The following WDR72 variants were observed in gnomAD, a reference collection of about 807,000 sequenced individuals.
WDR72 encodes the protein WD repeat domain 72, also known as WD repeat-containing protein 72.
Under a neutral mutation model 124.2 loss-of-function variants are expected in WDR72, and 120 were observed. That is an observed-to-expected ratio of 0.97 (90% CI 0.83 to 1.12). The LOEUF is 1.12. WDR72 is among the 50% of genes most tolerant of loss of function. WDR72 has a pLI of 0.00. For missense variants in WDR72, 1,387 were observed against 1,278.8 expected, an observed-to-expected ratio of 1.08 and a Z score of -1.29; for synonymous variants, 452 against 441.7, an observed-to-expected ratio of 1.02 and a Z score of -0.29.
intron 2 of WDR72, among the ~76,000 whole-genome samples, chr15:53,731,469 T>C (rs961629242): frequency 2.0e-5 from 3 of 151,960 alleles, no homozygotes; most frequent in Non-Finnish European, 4.4e-5. Context: ...ATGTGCACTA[T>C]ATGACCTTTG....
At position 53,682,384 on chromosome 15, in the gene WDR72, C is replaced by A. The variant is rs368569719; in HGVS notation, c.1766-16616G>T. Reference sequence around the variant, plus strand: ...TAAAGATGTACACTGGGTCTTGTCTCTACATTGAAATAAAATATATATATA... The same window carrying A: ...TAAAGATGTACACTGGGTCTTGTCTATACATTGAAATAAAATATATATATA... On this transcript the variant is annotated intron_variant, in intron 13 of 19. Transcript: ENST00000360509. 3.9e-5 allele frequency among the ~76,000 whole-genome samples: 6 copies of A among 152,218 alleles called. No individual in the cohort carries two copies. The East Asian group carries it at 9.6e-4, about 24-fold the overall frequency.
upstream of WDR72, among the ~76,000 whole-genome samples, chr15:53,761,397 AG>A (rs1180529681): frequency 6.6e-6 from 1 of 152,238 alleles, no homozygotes; most frequent in African/African-American, 2.4e-5. Flanking sequence ...ACCACTATGG[AG>A]AACAGTTTGA....
intron 4 of WDR72, among the ~76,000 whole-genome samples, chr15:53,715,725 T>C (rs1052110972): frequency 1.3e-5 from 2 of 152,128 alleles, no homozygotes; most frequent in African/African-American, 4.8e-5. Flanking sequence ...GGGAGGAGGC[T>C]ATGGTGGGAA....
rs143162984 is a variant in WDR72, at chr15:53,698,444, C to T, written c.1765+1306G>A. On this transcript the variant is annotated intron_variant, in intron 13 of 19. Transcript: ENST00000360509. ...TGCATTCATTGATAATAACAATAGT[C>T]AACTATTACTAAGGGCTAACCACCT... Among the ~76,000 whole-genome samples, 335 of 152,230 alleles carry T rather than the reference C, an allele frequency of 2.2e-3. 7 individuals are homozygous for T. The highest frequency in any genetic ancestry group is 0.018 in the Admixed American group (281 of 15,302).
At chr15:53,642,523 C>T (rs1281637684) in intron 14 of WDR72, among the ~76,000 whole-genome samples, 1 of 152,006 alleles carries the variant, frequency 6.6e-6, no homozygotes, top group African/African-American at 2.4e-5. Context: ...AACACAAGGG[C>T]TGTGTTTTGA....
chr15:53,597,584 A>G (rs2012839087), intron 17 of WDR72, among the ~76,000 whole-genome samples: 2 of 152,158 alleles, frequency 1.3e-5, no homozygotes, highest in South Asian at 4.1e-4. Flanking sequence ...TCCTATTTTC[A>G]TTTCCACCAG....
chr15:53,691,023 T>C (rs2016821094), intron 13 of WDR72, among the ~76,000 whole-genome samples: 1 of 152,170 alleles, frequency 6.6e-6, no homozygotes, highest in Admixed American at 6.5e-5. Flanking sequence ...TATTTCATTA[T>C]AACTTTGATT....
intron 14 of WDR72, among the ~76,000 whole-genome samples, chr15:53,639,513 T>TAATTTTATTTATTTATAAAATTATATAC: frequency 6.8e-6 from 1 of 146,988 alleles, no homozygotes; most frequent in Non-Finnish European, 1.5e-5. Context: ...AAATTATATA[T>TAATTTTATTTATTTATAAAATTATATAC]AATTTTATTT....
intron 9 of WDR72, among the ~76,000 whole-genome samples, chr15:53,709,816 G>T (rs1022936740): frequency 1.3e-5 from 2 of 152,190 alleles, no homozygotes; most frequent in African/African-American, 2.4e-5. Flanking sequence ...AAACCTCACA[G>T]ATATGTTAAA....
intron 1 of WDR72, among the ~76,000 whole-genome samples, chr15:53,735,774 A>G (rs2018335839): frequency 6.6e-6 from 1 of 152,142 alleles, no homozygotes; most frequent in Non-Finnish European, 1.5e-5. Context: ...GGAACTAATA[A>G]TAAGTGAACA....
chr15:53,616,659 T>C (rs552056081), intron 14 of WDR72, among the ~76,000 whole-genome samples: 1 of 152,090 alleles, frequency 6.6e-6, no homozygotes, highest in Non-Finnish European at 1.5e-5. Flanking sequence ...AAAATGGTGC[T>C]TCCAAATTTG....
At chr15:53,712,751 T>A (rs754919030) in intron 7 of WDR72, 21 bp downstream of exon 7, 3 of 1,606,748 alleles carry the variant, frequency 1.9e-6, no homozygotes, top group Non-Finnish European at 2.6e-6. Context: ...CACTGGTATT[T>A]ATTATGTTAC....
intron 18 of WDR72, among the ~76,000 whole-genome samples, chr15:53,562,749 A>G (rs1200198383): frequency 1.3e-5 from 2 of 151,852 alleles, no homozygotes; most frequent in African/African-American, 4.8e-5. Flanking sequence ...ACCCTTCCCA[A>G]GAGATAAATG....
Position 53,515,711 on chromosome 15 carries a change from C to T in WDR72, c.*1988G>A, listed in dbSNP as rs1342007668. On this transcript the variant is annotated 3_prime_UTR_variant, in exon 20 of 20. Transcript: ENST00000360509. ...CAGGGTTGTGCCAGTTCTAATTTCCCATAGCTAGTAACATCAGAAAATATT... is the reference window on the plus strand; with the variant it reads ...CAGGGTTGTGCCAGTTCTAATTTCCTATAGCTAGTAACATCAGAAAATATT... The T allele has an allele frequency of 1.3e-5, 2 of 152,050 alleles. No individual in the cohort carries two copies. The highest frequency in any genetic ancestry group is 4.8e-5 in the African/African-American group (2 of 41,398). The allele number at this position is 152,050 out of a possible 1,614,324, so 9.4% of individuals were successfully genotyped here.
At chr15:53,654,653 A>C (rs1397735735) in intron 14 of WDR72, among the ~76,000 whole-genome samples, 1 of 152,182 alleles carries the variant, frequency 6.6e-6, no homozygotes, top group Non-Finnish European at 1.5e-5. Context: ...CATGCAGCTC[A>C]TTGAATTTTC....
intron 18 of WDR72, among the ~76,000 whole-genome samples, chr15:53,582,033 T>C (rs545375455): frequency 5.1e-4 from 78 of 151,990 alleles, no homozygotes; most frequent in African/African-American, 1.8e-3. Context: ...AACCTGCCAA[T>C]TGTAATATAT....
Position 53,705,191 on chromosome 15 carries a change from TCA to T in WDR72, c.1143_1144del (p.Phe381LeufsTer2). ...ACTTTGTGACATAGTATCATGCTTA[TCA>T]AAATTATCTTGAAGAGTCCAGGTGG... On this transcript the variant is annotated frameshift_variant, in exon 11 of 20. Transcript: ENST00000360509. LOFTEE classifies it high-confidence loss of function. 3 of 1,613,988 alleles carry T rather than the reference TCA, an allele frequency of 1.9e-6. No individual in the cohort carries two copies. The highest frequency in any genetic ancestry group is 2.5e-6 in the Non-Finnish European group (3 of 1,180,004).
rs755433547 is a variant in WDR72, at chr15:53,615,779, T to A, written c.2427A>T (p.Lys809Asn). Residue 809 changes from lysine to asparagine, a missense_variant, in exon 15 of 20, where the codon AAA becomes AAT. Transcript: ENST00000360509. Reference protein sequence around the residue: ...LSCLLPWGVDKDLDYLCIKHL... With the variant: ...LSCLLPWGVDNDLDYLCIKHL... ...GCTTAATGCAAAGATAATCTAAATC[T>A]TTATCCACTCCCCATGGCAAAAGGC... The A allele has an allele frequency of 1.9e-6, 3 of 1,613,580 alleles. No individual in the cohort carries two copies. The highest frequency in any genetic ancestry group is 2.5e-6 in the Non-Finnish European group (3 of 1,179,664).
intron 2 of WDR72, among the ~76,000 whole-genome samples, chr15:53,727,736 A>T (rs2018083408): frequency 6.6e-6 from 1 of 152,240 alleles, no homozygotes; most frequent in Non-Finnish European, 1.5e-5. Context: ...ACAAAATATC[A>T]GAACAGAACA....
Sources: allele counts gnomAD v4.1 joint callset (sites outside exome capture counted in the v4.1 genomes callset), GRCh38; gene constraint gnomAD v4.1.1; transcripts MANE v1.5; gene names NCBI Gene and HGNC (gene_info 2026-07-23, HGNC 2026-07-21).